Variants in SLC25A31 observed in about 807,000 individuals in gnomAD.
SLC25A31 encodes the protein ADP/ATP translocase 4.
SLC25A31 carries 40 observed loss-of-function variants against 36.2 expected under a neutral mutation model. That is an observed-to-expected ratio of 1.10 (90% CI 0.86 to 1.44). The LOEUF (loss-of-function observed/expected upper bound fraction) is 1.44, where lower values mean the gene tolerates loss of function less well. Ranked by LOEUF, SLC25A31 falls within the 40% of genes most tolerant of loss-of-function variation. The pLI, the probability that SLC25A31 is intolerant of heterozygous loss-of-function variation, is 0.00. For missense variants in SLC25A31, 350 were observed against 397.1 expected, an observed-to-expected ratio of 0.88 and a Z score of 1.01; for synonymous variants, 143 against 149.7, an observed-to-expected ratio of 0.96 and a Z score of 0.32.
At position 127,730,445 on chromosome 4, in the gene SLC25A31, A is replaced by C. The variant is rs745772281; in HGVS notation, c.-101A>C. ...GCGTCCCAAGAGCCACTTTCTCGCC[A>C]GTACGATGCTGCAGCGGTTTTCCGG... On this transcript the variant is annotated 5_prime_UTR_variant, in exon 1 of 6. Coordinates refer to ENST00000281154, the MANE Select transcript of SLC25A31 (RefSeq NM_031291.4). The C allele has an allele frequency of 2.3e-5, 29 of 1,266,762 alleles. No homozygotes were observed. The highest frequency in any genetic ancestry group is 3.0e-5 in the African/African-American group (2 of 67,420). The allele number at this position is 1,266,762 out of a possible 1,614,324, so 78.5% of individuals were successfully genotyped here. A position where few individuals can be genotyped will look rare whatever the true frequency, so the allele number is the denominator to read the frequency against.
At chr4:127,752,807 A>G (rs1731960746) in intron 2 of SLC25A31, among the ~76,000 whole-genome samples, 3 of 152,230 alleles carry the variant, frequency 2.0e-5, no homozygotes, top group Admixed American at 6.5e-5. Context: ...ACAGACTGCA[A>G]TGCATACTGC....
At chr4:127,762,419 TAAG>T (rs945577302) in intron 2 of SLC25A31, among the ~76,000 whole-genome samples, 1 of 152,032 alleles carries the variant, frequency 6.6e-6, no homozygotes, top group Non-Finnish European at 1.5e-5. Context: ...GCCTAGGACT[TAAG>T]GAGGTAGGGA....
At chr4:127,756,353 A>G (rs1732030760) in intron 2 of SLC25A31, among the ~76,000 whole-genome samples, 1 of 152,188 alleles carries the variant, frequency 6.6e-6, no homozygotes, top group African/African-American at 2.4e-5. Context: ...CTGACTTTGT[A>G]CATCCCACTT....
At chr4:127,746,903 T>G (rs1841155) in intron 2 of SLC25A31, among the ~76,000 whole-genome samples, 95,879 of 151,956 alleles carry the variant, frequency 0.63, 30,611 homozygotes, top group Middle Eastern at 0.79. Context: ...TTTATAGTTT[T>G]GGGTTTTTCA....
intron 2 of SLC25A31, among the ~76,000 whole-genome samples, chr4:127,758,209 G>A (rs892789510): frequency 2.6e-5 from 4 of 152,182 alleles, no homozygotes; most frequent in African/African-American, 4.8e-5. Flanking sequence ...TTGAGATTTC[G>A]GTGAGGACAC....
At chr4:127,769,064 C>G (rs1188538909) in intron 5 of SLC25A31, among the ~76,000 whole-genome samples, 187 bp downstream of exon 5, 1 of 152,100 alleles carries the variant, frequency 6.6e-6, no homozygotes, top group Admixed American at 6.6e-5. Flanking sequence ...GCCAGCAAAG[C>G]TGCTTCCTCA....
At chr4:127,732,375 C>T (rs189888586) in intron 1 of SLC25A31, among the ~76,000 whole-genome samples, 10 of 152,272 alleles carry the variant, frequency 6.6e-5, no homozygotes, top group Admixed American at 5.2e-4. Flanking sequence ...AAGCTCAGGT[C>T]TTTCATAGTT....
chr4:127,744,484 G>T (rs540078679), intron 1 of SLC25A31, among the ~76,000 whole-genome samples, 188 bp from the exon 2 acceptor site: 1 of 152,234 alleles, frequency 6.6e-6, no homozygotes, highest in Non-Finnish European at 1.5e-5. Flanking sequence ...TTTAAAAAAT[G>T]GAATGGGGTT....
At chr4:127,763,918 A>G (rs1337784135) in intron 2 of SLC25A31, among the ~76,000 whole-genome samples, 1 of 149,712 alleles carries the variant, frequency 6.7e-6, no homozygotes, top group Non-Finnish European at 1.5e-5. Flanking sequence ...GCTATTAAGG[A>G]AAAAAAAAAG....
intron 2 of SLC25A31, among the ~76,000 whole-genome samples, chr4:127,759,436 TC>T (rs1449402802): frequency 6.6e-6 from 1 of 152,192 alleles, no homozygotes; most frequent in Non-Finnish European, 1.5e-5. Flanking sequence ...CTTCCCCTTT[TC>T]CTATTTCGAT....
At chr4:127,743,429 C>T (rs929926790) in intron 1 of SLC25A31, among the ~76,000 whole-genome samples, 2 of 152,170 alleles carry the variant, frequency 1.3e-5, no homozygotes, top group African/African-American at 4.8e-5. Context: ...AGCCACTGCA[C>T]CTAGCCTAGT....
intron 2 of SLC25A31, among the ~76,000 whole-genome samples, chr4:127,751,247 A>G (rs535292406): frequency 1.3e-5 from 2 of 152,304 alleles, no homozygotes; most frequent in Non-Finnish European, 2.9e-5. Flanking sequence ...GGAACAGAAC[A>G]CAGCCCTCAG....
intron 1 of SLC25A31, among the ~76,000 whole-genome samples, chr4:127,735,978 C>T (rs867529087): frequency 1.3e-5 from 2 of 148,710 alleles, no homozygotes; most frequent in Non-Finnish European, 3.0e-5. Flanking sequence ...CAAGCTCCGT[C>T]TCCCGGGTTC....
chr4:127,770,482 C>T (rs934352583), intron 5 of SLC25A31, among the ~76,000 whole-genome samples: 6 of 151,812 alleles, frequency 4.0e-5, no homozygotes, highest in Admixed American at 2.0e-4. Flanking sequence ...AAAAATTAGC[C>T]AGGCGTGGTG....
intron 2 of SLC25A31, among the ~76,000 whole-genome samples, chr4:127,753,437 A>T (rs1731973256): frequency 6.6e-6 from 1 of 152,138 alleles, no homozygotes; most frequent in Non-Finnish European, 1.5e-5. Context: ...GGCTAGGACT[A>T]AAAATAAGTC....
rs1454625864 is a variant in SLC25A31 at position 127,773,795 on chromosome 4, ATTT to A, written c.*222_*224del. ...CAAACACATTTTAGTGTGATATTTC[ATTT>A]ATTATAGGTAGTATATTTTAATTTG... On this transcript the variant is annotated 3_prime_UTR_variant, in exon 6 of 6. Transcript: ENST00000281154. The A allele has an allele frequency of 5.4e-6, 2 of 373,770 alleles. No homozygotes were observed. The highest frequency in any genetic ancestry group is 9.4e-6 in the Non-Finnish European group (2 of 211,894). 23.2% of individuals were successfully genotyped at this position (373,770 alleles called of 1,614,324 possible).
intron 5 of SLC25A31, among the ~76,000 whole-genome samples, chr4:127,771,265 T>C (rs1181389496): frequency 6.6e-6 from 1 of 152,120 alleles, no homozygotes; most frequent in Admixed American, 6.6e-5. Context: ...CCTGTTCCCC[T>C]TTTTATAAGG....
intron 2 of SLC25A31, among the ~76,000 whole-genome samples, chr4:127,759,709 A>G (rs1732093272): frequency 6.6e-6 from 1 of 152,220 alleles, no homozygotes; most frequent in Non-Finnish European, 1.5e-5. Flanking sequence ...AGTTCTGTTT[A>G]GGATGATGAA....
At position 127,767,117 on chromosome 4, in the gene SLC25A31, C is replaced by A. The variant is rs1187762365; in HGVS notation, c.530C>A (p.Ala177Glu). 6.2e-7 allele frequency: 1 copy of A among 1,613,686 alleles called. No homozygotes were observed. Among genetic ancestry groups the A allele is most frequent in the Admixed American group, 1.7e-5 (1 of 59,970 alleles). The change falls in exon 4 of 6, where the codon GCA (alanine) becomes GAA (glutamate). Residue 177 changes from alanine (A) to glutamate (E), a missense_variant. By Grantham distance (107) the Ala-to-Glu change is moderately radical (BLOSUM62 -1). Transcript: ENST00000281154. ...KGLGDCIMKI[A>E]KSDGIAGLYQ... ...TTAGGTGACTGTATTATGAAAATAG[C>A]AAAATCAGATGGAATTGCTGGTTTA... is the stretch of plus-strand genomic sequence containing the variant.
Sources: gnomAD v4.1 joint callset for allele counts (sites outside exome capture counted in the v4.1 genomes callset) on GRCh38, gnomAD v4.1.1 for gene constraint, MANE v1.5 for transcripts, NCBI Gene and HGNC (gene_info 2026-07-23, HGNC 2026-07-21) for gene names.